The following KCNAB1 variants were observed in gnomAD, a reference collection of about 807,000 sequenced individuals.
KCNAB1 encodes voltage-gated potassium channel subunit beta-1.
Under a neutral mutation model 64.6 loss-of-function variants are expected in KCNAB1, and 35 were observed. That is an observed-to-expected ratio of 0.54 (90% CI 0.41 to 0.72). The LOEUF (loss-of-function observed/expected upper bound fraction) is 0.72, where lower values mean the gene tolerates loss of function less well. Ranked by LOEUF, KCNAB1 falls within the 30% of genes least tolerant of loss-of-function variation. KCNAB1 has a pLI of 0.00. For synonymous variants in KCNAB1, 177 were observed against 183.8 expected, an observed-to-expected ratio of 0.96 and a Z score of 0.30; for missense variants, 401 against 512.9, an observed-to-expected ratio of 0.78 and a Z score of 2.11.
chr3:156,270,443 T>G (rs961125119), intron 1 of KCNAB1, among the ~76,000 whole-genome samples: 39 of 152,198 alleles, frequency 2.6e-4, no homozygotes, highest in African/African-American at 8.9e-4. Context: ...TTTTATTTTT[T>G]GTGTATCTGT....
chr3:156,430,238 C>T (rs1168512769), intron 2 of KCNAB1, among the ~76,000 whole-genome samples: 1 of 152,182 alleles, frequency 6.6e-6, no homozygotes, highest in African/African-American at 2.4e-5. Flanking sequence ...ATTTCACACG[C>T]TGTCAGAGTT....
intron 1 of KCNAB1, among the ~76,000 whole-genome samples, chr3:156,174,092 A>G (rs1436312569): frequency 6.6e-6 from 1 of 152,212 alleles, no homozygotes; most frequent in East Asian, 1.9e-4. Flanking sequence ...CTCTATAATC[A>G]TATGAACAAA....
chr3:156,445,571 G>C (rs999299813), intron 2 of KCNAB1, among the ~76,000 whole-genome samples: 2 of 152,194 alleles, frequency 1.3e-5, no homozygotes, highest in African/African-American at 4.8e-5. Flanking sequence ...AACAACCAAC[G>C]TTCCACAAAT....
chr3:156,313,770 A>G (rs138369118), intron 1 of KCNAB1, among the ~76,000 whole-genome samples: 12 of 152,212 alleles, frequency 7.9e-5, no homozygotes, highest in African/African-American at 2.9e-4. Context: ...TTTTGTGATA[A>G]TTTGTGATAG....
chr3:156,190,113 A>G (rs936134614), intron 1 of KCNAB1, among the ~76,000 whole-genome samples: 1 of 152,222 alleles, frequency 6.6e-6, no homozygotes, highest in Non-Finnish European at 1.5e-5. Context: ...GTCCTGAGGA[A>G]TTCTGCGAAG....
chr3:156,503,739 A>G (rs1487412159), intron 8 of KCNAB1, among the ~76,000 whole-genome samples: 1 of 152,218 alleles, frequency 6.6e-6, no homozygotes, highest in Non-Finnish European at 1.5e-5. Context: ...ATAATCTCTC[A>G]ACCTCCATTT....
intron 8 of KCNAB1, among the ~76,000 whole-genome samples, chr3:156,479,921 A>T (rs2108329202): frequency 6.6e-6 from 1 of 152,244 alleles, no homozygotes; most frequent in Middle Eastern, 3.4e-3. Flanking sequence ...CTTCTTTCTA[A>T]GCCATCTTTT....
At chr3:156,137,041 T>G in intron 1 of KCNAB1, among the ~76,000 whole-genome samples, 1 of 152,042 alleles carries the variant, frequency 6.6e-6, no homozygotes, top group East Asian at 1.9e-4. Context: ...TAAACTTTTA[T>G]TTTTGGTTTG....
chr3:156,359,293 CT>C (rs1725455076), intron 1 of KCNAB1, among the ~76,000 whole-genome samples: 1 of 152,084 alleles, frequency 6.6e-6, no homozygotes, highest in Non-Finnish European at 1.5e-5. Context: ...CCCATTTCTC[CT>C]CTCCTCAGCT....
chr3:156,304,995 TA>T (rs1353362233), intron 1 of KCNAB1, among the ~76,000 whole-genome samples: 5 of 152,020 alleles, frequency 3.3e-5, no homozygotes, highest in African/African-American at 7.2e-5. Context: ...CATGAGGTCA[TA>T]GGGGTGAATG....
At chr3:156,327,658 G>T (rs549917618) in intron 1 of KCNAB1, among the ~76,000 whole-genome samples, 1 of 152,204 alleles carries the variant, frequency 6.6e-6, no homozygotes, top group South Asian at 2.1e-4. Flanking sequence ...ACAAATAACT[G>T]AATATCTAGG....
At chr3:156,149,558 G>A (rs577196982) in intron 1 of KCNAB1, among the ~76,000 whole-genome samples, 2 of 152,126 alleles carry the variant, frequency 1.3e-5, no homozygotes, top group Non-Finnish European at 2.9e-5. Context: ...CTCTCTGTGG[G>A]TTCTGTCACA....
chr3:156,313,783 G>C (rs927753977), intron 1 of KCNAB1, among the ~76,000 whole-genome samples: 6 of 152,232 alleles, frequency 3.9e-5, no homozygotes, highest in Non-Finnish European at 5.9e-5. Context: ...TGTGATAGCA[G>C]CAATAGGAAA....
chr3:156,333,541 A>G (rs1186784022), intron 1 of KCNAB1, among the ~76,000 whole-genome samples: 1 of 152,136 alleles, frequency 6.6e-6, no homozygotes, highest in Non-Finnish European at 1.5e-5. Context: ...ATATCAATGA[A>G]TATTTAAATA....
At chr3:156,536,618 CT>C in intron 13 of KCNAB1, 39 bp from the exon 14 acceptor site, 1 of 1,371,500 alleles carries the variant, frequency 7.3e-7, no homozygotes, top group African/African-American at 1.4e-5. Context: ...ATGATCAACA[CT>C]GCTAACAATA....
chr3:156,534,847 T>A (rs897605770), intron 13 of KCNAB1, among the ~76,000 whole-genome samples: 1 of 152,174 alleles, frequency 6.6e-6, no homozygotes, highest in Non-Finnish European at 1.5e-5. Context: ...TGTTTCAAAG[T>A]GGGGCTTCTC....
intron 1 of KCNAB1, among the ~76,000 whole-genome samples, chr3:156,313,447 C>T (rs550555855): frequency 6.6e-6 from 1 of 152,136 alleles, no homozygotes; most frequent in Admixed American, 6.5e-5. Context: ...AGTGTAATCA[C>T]AGGTATCTTT....
chr3:156,408,369 G>A (rs779235210), intron 1 of KCNAB1, among the ~76,000 whole-genome samples: 6 of 152,118 alleles, frequency 3.9e-5, no homozygotes, highest in South Asian at 2.1e-4. Flanking sequence ...CTGGATGTGC[G>A]GGACCCTGGC....
At chr3:156,365,848 C>G (rs1043826429) in intron 1 of KCNAB1, among the ~76,000 whole-genome samples, 1 of 152,130 alleles carries the variant, frequency 6.6e-6, no homozygotes, top group African/African-American at 2.4e-5. Flanking sequence ...GGATGCAGAT[C>G]AGACATAATC....
Sources: gnomAD v4.1 joint callset for allele counts (sites outside exome capture counted in the v4.1 genomes callset) on GRCh38, gnomAD v4.1.1 for gene constraint, MANE v1.5 for transcripts, NCBI Gene and HGNC (gene_info 2026-07-23, HGNC 2026-07-21) for gene names.